ATP6V1B1: variants seen among roughly 807,000 people sequenced by gnomAD.
The protein encoded by ATP6V1B1 is V-type proton ATPase subunit B, kidney isoform.
Under a neutral mutation model 62.1 loss-of-function variants are expected in ATP6V1B1, and 41 were observed. That is an observed-to-expected ratio of 0.66 (90% confidence interval 0.51 to 0.86). The LOEUF (loss-of-function observed/expected upper bound fraction) is 0.86. Among genes scored for constraint, ATP6V1B1 ranks in the 40% least tolerant of loss-of-function variants. ATP6V1B1 has a pLI of 0.00. For missense variants in ATP6V1B1, 651 were observed against 697.5 expected (o/e 0.93, Z 0.75); for synonymous variants, 253 against 273.4 (o/e 0.93, Z 0.74).
rs1680066490 is a variant in ATP6V1B1 at position 70,943,639 on chromosome 2, AC to A, written c.119-14del. Reference sequence around the variant, plus strand: ...GGTGTTTGGGGTGAGACCCCTACTCACCCCCGCCCCTCCCCCAGCCTACAGG... The same window carrying A: ...GGTGTTTGGGGTGAGACCCCTACTCACCCCGCCCCTCCCCCAGCCTACAGG... On this transcript the variant is annotated intron_variant, in intron 1 of 13. Transcript: ENST00000234396. 3.1e-6 allele frequency: 5 copies of A among 1,601,550 alleles called. No homozygotes were observed. Among genetic ancestry groups the A allele is most frequent in the African/African-American group, 2.8e-5 (2 of 72,500 alleles).
chr2:70,960,202 C>A, intron 6 of ATP6V1B1, 124 bp downstream of exon 6: 3 of 1,419,406 alleles, frequency 2.1e-6, no homozygotes, highest in Admixed American at 2.0e-5. Context: ...GGGTCGCCAG[C>A]ATCGAGACTG....
intron 1 of ATP6V1B1, chr2:70,941,943 G>C: frequency 1.0e-6 from 1 of 998,146 alleles, no homozygotes; most frequent in Non-Finnish European, 1.2e-6. Context: ...GCCAAGGAGA[G>C]GGTGGAAGGT....
rs868927812 is a variant in ATP6V1B1, at chr2:70,936,722, C to T, written c.118+650C>T. Among the ~76,000 whole-genome samples the T allele has an allele frequency of 1.3e-4, 20 of 152,138 alleles. 1 individual carries two copies. In the South Asian group the frequency reaches 1.5e-3, roughly 11 times the overall value. ...TGTGTGTGCACTTAGGTGTGATGTA[C>T]GTGTGTGCATGTGCACTCATGGAGA... On this transcript the variant is annotated intron_variant, in intron 1 of 13. Coordinates refer to ENST00000234396, the MANE Select transcript of ATP6V1B1 (RefSeq NM_001692.4).
rs147826924 is a variant in ATP6V1B1, at chr2:70,938,225, C to T, written c.118+2153C>T. On this transcript the variant is annotated intron_variant, in intron 1 of 13. Transcript: ENST00000234396. Reference sequence around the variant, plus strand: ...CTCCCAATCCCCTCCCCGCCTCACTCACTTCCTCCTCAGGCTCTGGGAGTG... The same window carrying T: ...CTCCCAATCCCCTCCCCGCCTCACTTACTTCCTCCTCAGGCTCTGGGAGTG... Among the ~76,000 whole-genome samples the T allele has an allele frequency of 1.8e-3, 272 of 152,236 alleles. 5 individuals are homozygous for T. The East Asian group carries it at 0.047, about 26-fold the overall frequency.
At chr2:70,945,821 G>T (rs1356838980) in intron 2 of ATP6V1B1, among the ~76,000 whole-genome samples, 1 of 147,944 alleles carries the variant, frequency 6.8e-6, no homozygotes, top group Non-Finnish European at 1.5e-5. Context: ...TTTGTGCACA[G>T]ATTTTTCCCT....
intron 2 of ATP6V1B1, among the ~76,000 whole-genome samples, chr2:70,957,010 A>G (rs1680453451): frequency 6.7e-6 from 1 of 150,010 alleles, no homozygotes; most frequent in South Asian, 2.1e-4. Context: ...GGCCATTTGT[A>G]TGTCGTCTTT....
chr2:70,943,187 T>TAC (rs3831677), intron 1 of ATP6V1B1, among the ~76,000 whole-genome samples: 3,060 of 150,998 alleles, frequency 0.02, 37 homozygotes, highest in Admixed American at 0.049. Flanking sequence ...ACACACCACA[T>TAC]ACACACACAC....
intron 1 of ATP6V1B1, among the ~76,000 whole-genome samples, chr2:70,942,667 C>T (rs1219605334): frequency 6.6e-6 from 1 of 152,212 alleles, no homozygotes. Flanking sequence ...CAAGGCTTCT[C>T]ACACTTCTGG....
At chr2:70,938,819 A>C in intron 1 of ATP6V1B1, 1 of 983,456 alleles carries the variant, frequency 1.0e-6, no homozygotes, top group Non-Finnish European at 1.2e-6. Context: ...GCAGGAGCAA[A>C]GGTCAGGAAG....
At chr2:70,961,183 G>A in intron 7 of ATP6V1B1, 161 bp downstream of exon 7, 1 of 788,554 alleles carries the variant, frequency 1.3e-6, no homozygotes, top group Non-Finnish European at 2.1e-6. Flanking sequence ...GTGTCCCTCA[G>A]GGTGTCCCAA....
chr2:70,960,780 A>C, intron 6 of ATP6V1B1, 141 bp from the exon 7 acceptor site: 3 of 221,112 alleles, frequency 1.4e-5, no homozygotes, highest in Admixed American at 5.6e-5. Flanking sequence ...CCCCACCCCA[A>C]GAAAGACTAG....
At chr2:70,938,364 C>T (rs1392297529) in intron 1 of ATP6V1B1, among the ~76,000 whole-genome samples, 2 of 152,168 alleles carry the variant, frequency 1.3e-5, no homozygotes, top group Admixed American at 1.3e-4. Context: ...CCACTCTGTC[C>T]CTCTCCACCT....
At chr2:70,948,179 C>G (rs1680231911) in intron 2 of ATP6V1B1, 1 of 152,276 alleles carries the variant, frequency 6.6e-6, no homozygotes, top group Non-Finnish European at 1.5e-5. Context: ...ACTCTCCTCT[C>G]CACTCTCCTC....
At chr2:70,961,936 T>C (rs1553420180) in intron 8 of ATP6V1B1, 2 of 558,552 alleles carry the variant, frequency 3.6e-6, no homozygotes, top group East Asian at 6.2e-5. Flanking sequence ...CCACAACCCA[T>C]GTCCAGCCAC....
At position 70,959,210 on chromosome 2, in the gene ATP6V1B1, G is replaced by T; in HGVS notation, c.445+115G>T. 8.8e-7 allele frequency: 1 copy of T among 1,138,980 alleles called. No individual in the cohort carries two copies. The highest frequency in any genetic ancestry group is 1.3e-6 in the Non-Finnish European group (1 of 768,394). 70.6% of individuals were successfully genotyped at this position (1,138,980 alleles called of 1,614,324 possible). The stretch of plus-strand genomic sequence containing the variant: ...CAGATGTGATGGGAGAGCAGCAAAG[G>T]CCTCTCTATCCCCAAATCTTCCACT... On this transcript the variant is annotated intron_variant, in intron 5 of 13. Coordinates refer to ENST00000234396, the MANE Select transcript of ATP6V1B1 (RefSeq NM_001692.4). The surrounding 1 kb of genome is among the most constrained non-coding windows in gnomAD (Gnocchi z 4.2).
At chr2:70,940,467 G>C in intron 1 of ATP6V1B1, 1 of 985,406 alleles carries the variant, frequency 1.0e-6, no homozygotes, top group South Asian at 4.7e-5. Context: ...AAAAATGAGG[G>C]TCTCTCCTGC....
Position 70,964,488 on chromosome 2 carries a change from A to G in ATP6V1B1, c.1194A>G (p.Ser398=). 6.2e-7 allele frequency: 1 copy of G among 1,614,110 alleles called. No homozygotes were observed. The highest frequency in any genetic ancestry group is 1.1e-5 in the South Asian group (1 of 91,080). ...VLPSLSRLMK[S]AIGEGMTRKD... The stretch of plus-strand genomic sequence containing the variant: ...CTTCCCTGTCGCGGCTGATGAAGTC[A>G]GCCATTGGGGAAGGCATGACAAGAA... Residue 398 remains serine (S), a synonymous_variant, in exon 12 of 14, where the codon TCA becomes TCG. Transcript: ENST00000234396.
rs782331242 is a variant in ATP6V1B1, at chr2:70,938,748, G to T, written c.118+2676G>T. 7.1e-4 allele frequency: 701 copies of T among 985,408 alleles called. 2 individuals carry two copies. Among genetic ancestry groups the T allele is most frequent in the Non-Finnish European group, 8.0e-4 (661 of 829,928 alleles). 61.0% of individuals were successfully genotyped at this position (985,408 alleles called of 1,614,324 possible). A position where few individuals can be genotyped will look rare whatever the true frequency, so the allele number is the denominator to read the frequency against. ...GCCTTGGCTCCCGGCTGGGGAGGAG[G>T]TATCCTGGAGCTTCATCTGTTTGGG... On this transcript the variant is annotated intron_variant, in intron 1 of 13. Coordinates refer to ENST00000234396, the MANE Select transcript of ATP6V1B1 (RefSeq NM_001692.4).
In ATP6V1B1 at chr2:70,941,135, C is replaced by A. The variant is rs181623450; in HGVS notation, c.119-2523C>A. On this transcript the variant is annotated intron_variant, in intron 1 of 13. Transcript: ENST00000234396. ...GCTTCACCATATTGCCCAGGCTGGT[C>A]TCGAACTCCTGGGCTCAAGTGATCC... The A allele has an allele frequency of 7.8e-4, 420 of 539,210 alleles. 4 individuals are homozygous for A. In the African/African-American group the frequency reaches 7.8e-3, roughly 10 times the overall value. The allele number at this position is 539,210 out of a possible 1,614,324, so 33.4% of individuals were successfully genotyped here.
Sources: allele counts gnomAD v4.1 joint callset (sites outside exome capture counted in the v4.1 genomes callset), GRCh38; gene constraint gnomAD v4.1.1; non-coding constraint Gnocchi (gnomAD v3.1); transcripts MANE v1.5; gene names NCBI Gene and HGNC (gene_info 2026-07-23, HGNC 2026-07-21).